Variants in SLC44A4 observed in about 807,000 individuals in gnomAD.
The protein encoded by SLC44A4 is solute carrier family 44 member 4.
Under a neutral mutation model 97.0 loss-of-function variants are expected in SLC44A4, and 74 were observed. That is an observed-to-expected ratio of 0.76 (90% CI 0.63 to 0.93). The LOEUF is 0.93. Among genes scored for constraint, SLC44A4 ranks in the 40% least tolerant of loss-of-function variants. SLC44A4 has a pLI of 0.00. For missense variants in SLC44A4, 799 were observed against 902.9 expected, an observed-to-expected ratio of 0.88 and a Z score of 1.48; for synonymous variants, 325 against 363.8, an observed-to-expected ratio of 0.89 and a Z score of 1.21.
Position 31,877,127 on chromosome 6 carries a change from A to G in SLC44A4, c.41-45T>C, listed in dbSNP as rs2151573094. On this transcript the variant is annotated intron_variant, in intron 1 of 20. Transcript: ENST00000229729. This position sits in a 1 kb window ranked among gnomAD's most constrained non-coding sequence, Gnocchi z 6.5. ...GTGTGGAGGATGAGTCTCTCTCTGC[A>G]TATCTTGTCCTGCTGAGTCCTCCTA... is the stretch of plus-strand genomic sequence containing the variant. The G allele has an allele frequency of 2.5e-6, 4 of 1,585,076 alleles. No homozygotes were observed. The East Asian group carries it at 6.8e-5, about 27-fold the overall frequency.
intron 4 of SLC44A4, 70 bp from the exon 5 acceptor site, chr6:31,875,098 G>A (rs1687130945): frequency 7.8e-7 from 1 of 1,285,998 alleles, no homozygotes; most frequent in Non-Finnish European, 1.1e-6. Flanking sequence ...GACCACTAGG[G>A]TGGCTTCTCA....
Position 31,863,730 on chromosome 6 carries a change from T to C in SLC44A4, c.2030A>G (p.Asn677Ser). ...GTAGGGCCGGTCCAGGGAGCCGTTG[T>C]TCCGCTCCAGGTCTTCCACTGAGCC... Reference protein sequence around the residue: ...FLCFLEDLERNNGSLDRPYYM... With the variant: ...FLCFLEDLERSNGSLDRPYYM... Residue 677 changes from asparagine to serine, a missense_variant, in exon 21 of 21, where the codon AAC (asparagine) becomes AGC (serine). This residue lies in a region of SLC44A4 where 379 missense variants were observed against 438.3 expected (regional missense o/e 0.86). Coordinates refer to ENST00000229729, the MANE Select transcript of SLC44A4 (RefSeq NM_025257.3). The C allele has an allele frequency of 1.2e-6, 2 of 1,612,786 alleles. No individual in the cohort carries two copies. Among genetic ancestry groups the C allele is most frequent in the African/African-American group, 2.7e-5 (2 of 75,016 alleles).
At chr6:31,869,978 C>G (rs1225352659) in intron 11 of SLC44A4, among the ~76,000 whole-genome samples, 1 of 116,236 alleles carries the variant, frequency 8.6e-6, no homozygotes, top group African/African-American at 3.5e-5. Flanking sequence ...GAGCGAGACT[C>G]CGTCTCAAAA....
chr6:31,876,914 G>T lies in SLC44A4; in HGVS notation c.89+120C>A. Reference sequence around the variant, plus strand: ...CCCCCCAGGGCACCACCCATCTGGGGCAGGAGTTTCTCTTTTTCACAAGTT... The same window carrying T: ...CCCCCCAGGGCACCACCCATCTGGGTCAGGAGTTTCTCTTTTTCACAAGTT... On this transcript the variant is annotated intron_variant, in intron 2 of 20. Coordinates refer to ENST00000229729, the MANE Select transcript of SLC44A4 (RefSeq NM_025257.3). The surrounding 1 kb of genome is among the most constrained non-coding windows in gnomAD (Gnocchi z 4.8). The T allele has an allele frequency of 9.4e-7, 1 of 1,065,646 alleles. No individual in the cohort carries two copies. Among genetic ancestry groups the T allele is most frequent in the Non-Finnish European group, 1.4e-6 (1 of 736,586 alleles). 66.0% of individuals were successfully genotyped at this position (1,065,646 alleles called of 1,614,324 possible).
chr6:31,873,121 C>T (rs146535109), intron 7 of SLC44A4, among the ~76,000 whole-genome samples: 8,628 of 152,116 alleles, frequency 0.057, 326 homozygotes, highest in Non-Finnish European at 0.074. Flanking sequence ...GTGATCCGCC[C>T]GCCTCGGCCT....
At chr6:31,871,229 C>T in intron 9 of SLC44A4, 85 bp downstream of exon 9, 1 of 1,416,942 alleles carries the variant, frequency 7.1e-7, no homozygotes. Context: ...TGTCCAAAGC[C>T]TGTGTTTCAG....
At chr6:31,868,769 C>G (rs1231349426) in intron 13 of SLC44A4, among the ~76,000 whole-genome samples, 3 of 151,502 alleles carry the variant, frequency 2.0e-5, no homozygotes. Context: ...GCACTCCAGC[C>G]TGGGCAACAG....
In SLC44A4 at chr6:31,863,531, C is replaced by CT. The variant is rs550919132; in HGVS notation, c.*95dup. On this transcript the variant is annotated 3_prime_UTR_variant, in exon 21 of 21. Coordinates refer to ENST00000229729, the MANE Select transcript of SLC44A4 (RefSeq NM_025257.3). Reference sequence around the variant, plus strand: ...TGAGCCACGGCGCCTGGCCTAAAACCTTTTTTTACCACAAAATGGAGACCT... The same window carrying CT: ...TGAGCCACGGCGCCTGGCCTAAAACCTTTTTTTTACCACAAAATGGAGACCT... The CT allele has an allele frequency of 4.8e-4, 723 of 1,494,490 alleles. No individual in the cohort carries two copies. In the African/African-American group the frequency reaches 9.2e-3, roughly 19 times the overall value. The allele number at this position is 1,494,490 out of a possible 1,614,324, so 92.6% of individuals were successfully genotyped here.
chr6:31,876,894 C>G lies in SLC44A4; in HGVS notation c.89+140G>C. On this transcript the variant is annotated intron_variant, in intron 2 of 20. Transcript: ENST00000229729. The surrounding 1 kb of genome is among the most constrained non-coding windows in gnomAD (Gnocchi z 4.8). ...CCTGCTCCAGACACAACAATCCCCCCAGGGCACCACCCATCTGGGGCAGGA... is the reference window on the plus strand; with the variant it reads ...CCTGCTCCAGACACAACAATCCCCCGAGGGCACCACCCATCTGGGGCAGGA... The G allele has an allele frequency of 1.2e-6, 1 of 862,562 alleles. No individual in the cohort carries two copies. The highest frequency in any genetic ancestry group is 1.8e-6 in the Non-Finnish European group (1 of 560,348). 53.4% of individuals were successfully genotyped at this position (862,562 alleles called of 1,614,324 possible).
chr6:31,869,459 C>A, intron 12 of SLC44A4, 86 bp downstream of exon 12: 1 of 1,213,018 alleles, frequency 8.2e-7, no homozygotes, highest in Non-Finnish European at 1.2e-6. Flanking sequence ...CCAGTGACAC[C>A]AAGGCACTCT....
chr6:31,864,167 T>C (rs644452), intron 20 of SLC44A4, among the ~76,000 whole-genome samples: 35,183 of 151,806 alleles, frequency 0.23, 4,575 homozygotes, highest in African/African-American at 0.32. Context: ...CTCCGCCTCC[T>C]GAGTTCAAGC....
At chr6:31,869,426 G>A in intron 12 of SLC44A4, 119 bp downstream of exon 12, 2 of 991,586 alleles carry the variant, frequency 2.0e-6, no homozygotes, top group Non-Finnish European at 3.1e-6. Flanking sequence ...TGGTGTGTCT[G>A]CCCAGAGAAA....
Position 31,878,229 on chromosome 6 carries a change from A to G in SLC44A4, c.40+712T>C, listed in dbSNP as rs1304290758. On this transcript the variant is annotated intron_variant, in intron 1 of 20. Coordinates refer to ENST00000229729, the MANE Select transcript of SLC44A4 (RefSeq NM_025257.3). This position sits in a 1 kb window ranked among gnomAD's most constrained non-coding sequence, Gnocchi z 4.0. ...AGGCTTCACCCTTCACAGGAACCCC[A>G]GGGGCCCTGTCCCTATTCCTCAGAG... 6.6e-6 allele frequency among the ~76,000 whole-genome samples: 1 copy of G among 151,420 alleles called. No homozygotes were observed. The highest frequency in any genetic ancestry group is 1.5e-5 in the Non-Finnish European group (1 of 67,810).
chr6:31,866,047 G>T lies in SLC44A4; in HGVS notation c.1313C>A (p.Ser438Tyr). 6.2e-7 allele frequency: 1 copy of T among 1,614,242 alleles called. No homozygotes were observed. Among genetic ancestry groups the T allele is most frequent in the Non-Finnish European group, 8.5e-7 (1 of 1,180,052 alleles). ...GYSSKGLIQR[S>Y]VFNLQIYGVL... ...CCCATAGATTTGCAGATTGAAGACA[G>T]AACGTTGGATTAGGCCTTTGGATGA... is the stretch of plus-strand genomic sequence containing the variant. The change falls in exon 14 of 21, where the codon TCT becomes TAT. Residue 438 changes from serine to tyrosine, a missense_variant. Physicochemically the swap from Ser to Tyr is moderately radical, Grantham distance 144. This residue lies in a region of SLC44A4 where 379 missense variants were observed against 438.3 expected (regional missense o/e 0.86). Transcript: ENST00000229729.
Position 31,874,964 on chromosome 6 carries a change from C to T in SLC44A4, c.307G>A (p.Val103Ile), listed in dbSNP as rs1346902024. 2 of 1,613,566 alleles carry T rather than the reference C, an allele frequency of 1.2e-6. No individual in the cohort carries two copies. The highest frequency in any genetic ancestry group is 4.5e-5 in the East Asian group (2 of 44,874). ...SCILSSNIISVAENGLQCPTP... is the reference protein window; with the variant it reads ...SCILSSNIISIAENGLQCPTP... ...GGGCACTGTAGGCCGTTCTCAGCAA[C>T]TGAGATGATGTTGCTGGACAGGATG... Residue 103 changes from valine to isoleucine, a missense_variant, in exon 5 of 21, where the codon GTT becomes ATT. Transcript: ENST00000229729. The surrounding 1 kb of genome is among the most constrained non-coding windows in gnomAD (Gnocchi z 4.8).
At chr6:31,867,256 C>CTT (rs1343065057) in intron 13 of SLC44A4, among the ~76,000 whole-genome samples, 2 of 140,532 alleles carry the variant, frequency 1.4e-5, no homozygotes, top group Non-Finnish European at 1.6e-5. Flanking sequence ...ATCAAAAAAT[C>CTT]TTTTTTTTTT....
chr6:31,875,547 G>A (rs1763396279), intron 4 of SLC44A4, among the ~76,000 whole-genome samples: 1 of 152,240 alleles, frequency 6.6e-6, no homozygotes. Context: ...CTTGTCCAAG[G>A]CCACACAACC....
chr6:31,865,506 A>C lies in SLC44A4; in HGVS notation c.1678T>G (p.Tyr560Asp). ...KFIKFLNRNAYIMIAIYGKNF... is the reference protein window; with the variant it reads ...KFIKFLNRNADIMIAIYGKNF... ...CTTGCAGTGTAGCTCACCATGATGTATGCATTGCGGTTTAGGAACTTGATA... is the reference window on the plus strand; with the variant it reads ...CTTGCAGTGTAGCTCACCATGATGTCTGCATTGCGGTTTAGGAACTTGATA... Residue 560 changes from tyrosine to aspartate, a missense_variant, in exon 16 of 21, where the codon TAC becomes GAC. By Grantham distance (160) the Tyr-to-Asp change is radical. Transcript: ENST00000229729. This position sits in a 1 kb window ranked among gnomAD's most constrained non-coding sequence, Gnocchi z 5.2. 1 of 1,607,826 alleles carries C rather than the reference A, an allele frequency of 6.2e-7. No individual in the cohort carries two copies. The highest frequency in any genetic ancestry group is 8.5e-7 in the Non-Finnish European group (1 of 1,175,088).
intron 7 of SLC44A4, among the ~76,000 whole-genome samples, chr6:31,873,093 T>C (rs1763262433): frequency 6.6e-6 from 1 of 152,146 alleles, no homozygotes; most frequent in African/African-American, 2.4e-5. Context: ...GCCAGACTAG[T>C]CTCGAACTCC....
Sources: gnomAD v4.1 joint callset for allele counts (sites outside exome capture counted in the v4.1 genomes callset) on GRCh38, gnomAD v4.1.1 for gene constraint, gnomAD v4.1.1 regional missense constraint, Gnocchi (gnomAD v3.1) non-coding constraint, MANE v1.5 for transcripts, NCBI Gene and HGNC (gene_info 2026-07-23, HGNC 2026-07-21) for gene names.